Variants in ARMC9 observed in about 807,000 individuals in gnomAD.
ARMC9 encodes armadillo repeat containing 9.
A neutral mutation model predicts 107.0 loss-of-function variants in ARMC9; 94 were observed. The ratio of observed to expected loss-of-function variants is 0.88; its 90% CI spans 0.74 to 1.04. The LOEUF (loss-of-function observed/expected upper bound fraction) is 1.04, where lower values mean the gene tolerates loss of function less well. ARMC9 is among the 50% of genes least tolerant of loss of function. The probability of loss-of-function intolerance (pLI) is 0.00; values close to 1 mark genes in which losing one functional copy is unlikely to be tolerated. For synonymous variants in ARMC9, 380 were observed against 396.9 expected (o/e 0.96, Z 0.51); for missense variants, 942 against 1,030.1 (o/e 0.91, Z 1.17).
In ARMC9 at chr2:231,358,662, G is replaced by A. The variant is rs2045441493; in HGVS notation, c.2132-2092G>A. 6.6e-6 allele frequency among the ~76,000 whole-genome samples: 1 copy of A among 152,184 alleles called. No individual in the cohort carries two copies. Among genetic ancestry groups the A allele is most frequent in the Admixed American group, 6.5e-5 (1 of 15,276 alleles). ...CCCACCTTCACGCTGAGTTTCTTGA[G>A]GAAGAGCCTTTGCGCTTTGCGTTCA... On this transcript the variant is annotated intron_variant, in intron 22 of 24. Transcript: ENST00000611582. The surrounding 1 kb of genome is among the most constrained non-coding windows in gnomAD (Gnocchi z 4.5).
At chr2:231,268,974 G>A (rs938101261) in intron 12 of ARMC9, among the ~76,000 whole-genome samples, 2 of 152,128 alleles carry the variant, frequency 1.3e-5, no homozygotes, top group African/African-American at 2.4e-5. Context: ...AGGCTGAGGC[G>A]AGAGGATTGC....
chr2:231,229,836 C>G lies in ARMC9; in HGVS notation c.622+3038C>G, dbSNP rs575907221. 9.0e-4 allele frequency among the ~76,000 whole-genome samples: 137 copies of G among 152,102 alleles called. 1 individual carries two copies. Among genetic ancestry groups the G allele is most frequent in the African/African-American group, 3.3e-3 (135 of 41,486 alleles). On this transcript the variant is annotated intron_variant, in intron 7 of 24. Transcript: ENST00000611582. ...AACAATTCCATATTTAAAAGTTGAT[C>G]ATTTTGTCTTGAGCAGCCAATTAAA... is the stretch of plus-strand genomic sequence containing the variant.
In ARMC9 at chr2:231,331,916, G is replaced by A. The variant is rs2043767749; in HGVS notation, c.1878+19G>A. 6.3e-7 allele frequency: 1 copy of A among 1,590,360 alleles called. No homozygotes were observed. Among genetic ancestry groups the A allele is most frequent in the Non-Finnish European group, 8.6e-7 (1 of 1,159,870 alleles). On this transcript the variant is annotated intron_variant, in intron 20 of 24. Coordinates refer to ENST00000611582, the MANE Select transcript of ARMC9 (RefSeq NM_001352754.2). ...CCTGGGGGTAAGTGCCACACAAAGG[G>A]TGGGGATCCTGAAACAGAAAGGCCA...
chr2:231,260,411 C>G (rs575057917), intron 11 of ARMC9, among the ~76,000 whole-genome samples: 2 of 152,314 alleles, frequency 1.3e-5, no homozygotes, highest in African/African-American at 4.8e-5. Flanking sequence ...TTTAACTGAA[C>G]AGTCCATTCT....
At position 231,271,067 on chromosome 2, in the gene ARMC9, C is replaced by T. The variant is rs552744788; in HGVS notation, c.1205C>T (p.Ala402Val). 2.5e-6 allele frequency: 4 copies of T among 1,613,930 alleles called. No individual in the cohort carries two copies. In the African/African-American group the frequency reaches 5.3e-5, roughly 22 times the overall value. The change falls in exon 13 of 25, where the codon GCA (alanine) becomes GTA (valine). Residue 402 changes from alanine (A) to valine (V), a missense_variant. Transcript: ENST00000611582. ...ARLINAFASL[A>V]EGRLYLAQNT... ...CTCATCAATGCTTTTGCGTCACTGG[C>T]AGAAGGTGAGACATCAGCTTTGCTT... is the stretch of plus-strand genomic sequence containing the variant.
At chr2:231,273,149 A>G in intron 14 of ARMC9, 71 bp downstream of exon 14, 1 of 1,549,126 alleles carries the variant, frequency 6.5e-7, no homozygotes, top group Non-Finnish European at 8.7e-7. Context: ...ATGGCAACCC[A>G]GGAGGCAGAT....
chr2:231,279,156 G>A (rs980317572), intron 16 of ARMC9, among the ~76,000 whole-genome samples: 1 of 152,180 alleles, frequency 6.6e-6, no homozygotes, highest in African/African-American at 2.4e-5. Flanking sequence ...AGGTCACTGA[G>A]TCCTGCCAAA....
At chr2:231,310,909 T>A (rs1323789136) in intron 19 of ARMC9, among the ~76,000 whole-genome samples, 2 of 152,026 alleles carry the variant, frequency 1.3e-5, no homozygotes, top group Non-Finnish European at 2.9e-5. Context: ...GGAGGATCGC[T>A]TGAGCCCAGG....
In ARMC9 at chr2:231,370,051, C is replaced by T. The variant is rs2125600554; in HGVS notation, c.2360C>T (p.Pro787Leu). ...PPKAKASVLA[P>L]LFSSCGPQQA... ...AAGGCAAAGGCGTCAGTTCTGGCCC[C>T]TCTGTTCTCTTCGTGTGGCCCCCAG... The change falls in exon 24 of 25, where the codon CCT becomes CTT. Residue 787 changes from proline to leucine, a missense_variant. Physicochemically the swap from Pro to Leu is moderately conservative, Grantham distance 98. Coordinates refer to ENST00000611582, the MANE Select transcript of ARMC9 (RefSeq NM_001352754.2). 1 of 1,535,482 alleles carries T rather than the reference C, an allele frequency of 6.5e-7. No homozygotes were observed. Among genetic ancestry groups the T allele is most frequent in the East Asian group, 2.4e-5 (1 of 40,854 alleles).
chr2:231,354,288 A>G (rs1441108436), intron 21 of ARMC9, among the ~76,000 whole-genome samples: 1 of 143,880 alleles, frequency 7.0e-6, no homozygotes, highest in African/African-American at 2.6e-5. Context: ...AAAAAAAAAG[A>G]CTGATTGCGC....
chr2:231,275,875 C>T (rs540617903), intron 14 of ARMC9, among the ~76,000 whole-genome samples: 11 of 152,282 alleles, frequency 7.2e-5, no homozygotes, highest in African/African-American at 1.7e-4. Flanking sequence ...ATCACTTGAA[C>T]CCAGGAGGCG....
At chr2:231,305,945 C>A (rs748568718) in intron 19 of ARMC9, among the ~76,000 whole-genome samples, 2 of 152,170 alleles carry the variant, frequency 1.3e-5, no homozygotes, top group Non-Finnish European at 2.9e-5. Context: ...TAGTCAAATT[C>A]TTTTTCATTA....
At chr2:231,239,763 C>G (rs2125371049) in intron 8 of ARMC9, among the ~76,000 whole-genome samples, 180 bp from the exon 9 acceptor site, 1 of 152,318 alleles carries the variant, frequency 6.6e-6, no homozygotes, top group Middle Eastern at 3.4e-3. Flanking sequence ...AGGGCCGGTA[C>G]TTTCACTCCT....
chr2:231,299,026 C>A (rs1170621501), intron 19 of ARMC9, among the ~76,000 whole-genome samples: 1 of 152,178 alleles, frequency 6.6e-6, no homozygotes, highest in Non-Finnish European at 1.5e-5. Context: ...TGTGCGCTCA[C>A]AACTTCCACC....
chr2:231,225,992 G>T lies in ARMC9; in HGVS notation c.598-782G>T, dbSNP rs543666432. On this transcript the variant is annotated intron_variant, in intron 6 of 24. Transcript: ENST00000611582. ...CTGCCTCAGCCTCCCAAGTAACTGG[G>T]ATTACAGGCACCCACTACCAAACCT... is the stretch of plus-strand genomic sequence containing the variant. 2.0e-5 allele frequency among the ~76,000 whole-genome samples: 3 copies of T among 152,246 alleles called. No homozygotes were observed. The South Asian group carries it at 6.2e-4, about 32-fold the overall frequency.
rs979787250 is a variant in ARMC9 at position 231,284,195 on chromosome 2, T to A, written c.1626+2062T>A. Among the ~76,000 whole-genome samples, 3 of 152,340 alleles carry A rather than the reference T, an allele frequency of 2.0e-5. No individual in the cohort carries two copies. The East Asian group carries it at 5.8e-4, about 29-fold the overall frequency. ...ACCTTGTTACAGTTGCCTACAGTAT[T>A]CAACACAGTCACGTGCTGAACAGGT... On this transcript the variant is annotated intron_variant, in intron 17 of 24. Coordinates refer to ENST00000611582, the MANE Select transcript of ARMC9 (RefSeq NM_001352754.2).
intron 16 of ARMC9, among the ~76,000 whole-genome samples, chr2:231,280,979 G>A (rs1482320934): frequency 6.6e-6 from 1 of 152,130 alleles, no homozygotes; most frequent in Non-Finnish European, 1.5e-5. Context: ...GTCCAGTGCC[G>A]AAGGAGGGCG....
intron 21 of ARMC9, among the ~76,000 whole-genome samples, chr2:231,354,814 G>A (rs1025762529): frequency 4.6e-5 from 7 of 152,208 alleles, no homozygotes; most frequent in African/African-American, 1.4e-4. Context: ...AAGGGGGAGC[G>A]AGGGCTCCGT....
chr2:231,222,752 T>G lies in ARMC9; in HGVS notation c.529T>G (p.Leu177Val). 6.3e-7 allele frequency: 1 copy of G among 1,580,234 alleles called. No homozygotes were observed. Among genetic ancestry groups the G allele is most frequent in the Non-Finnish European group, 8.7e-7 (1 of 1,151,608 alleles). ...FQDSWTPELKLKLIKFLALIS... is the reference protein window; with the variant it reads ...FQDSWTPELKVKLIKFLALIS... The stretch of plus-strand genomic sequence containing the variant: ...GGATTCCTGGACTCCAGAGTTAAAG[T>G]TGAAGTTGATAAAGTTTCTAGCTTT... Residue 177 changes from leucine to valine, a missense_variant, in exon 6 of 25, where the codon TTG becomes GTG. Transcript: ENST00000611582.
Sources: allele counts gnomAD v4.1 joint callset (sites outside exome capture counted in the v4.1 genomes callset), GRCh38; gene constraint gnomAD v4.1.1; non-coding constraint Gnocchi (gnomAD v3.1); transcripts MANE v1.5; gene names NCBI Gene and HGNC (gene_info 2026-07-23, HGNC 2026-07-21).